Variants in NELL2 observed in about 807,000 individuals in gnomAD.
NELL2 encodes neural EGFL like 2.
A neutral mutation model predicts 109.6 loss-of-function variants in NELL2; 41 were observed. The ratio of observed to expected loss-of-function variants is 0.37; its 90% confidence interval spans 0.29 to 0.49. NELL2 has a LOEUF of 0.49. NELL2 is among the 20% of genes least tolerant of loss of function. The pLI is 0.98. For synonymous variants in NELL2, 355 were observed against 344.7 expected (o/e 1.03, Z -0.33); for missense variants, 900 against 1,008.3 (o/e 0.89, Z 1.45).
intron 9 of NELL2, among the ~76,000 whole-genome samples, chr12:44,774,254 T>C (rs892948762): frequency 2.3e-4 from 35 of 152,182 alleles, no homozygotes; most frequent in African/African-American, 8.2e-4. Context: ...CTTCCACACA[T>C]GGTGGTGTGA....
chr12:44,575,744 A>G (rs1017432284), intron 15 of NELL2, among the ~76,000 whole-genome samples: 1 of 152,230 alleles, frequency 6.6e-6, no homozygotes, highest in Non-Finnish European at 1.5e-5. Context: ...CTTCATTATT[A>G]TCACAGTTCC....
chr12:44,587,284 A>AAAAAAAAAATAT, intron 15 of NELL2, among the ~76,000 whole-genome samples: 31 of 72,206 alleles, frequency 4.3e-4, no homozygotes, highest in East Asian at 1.7e-3. Context: ...AAAAAAAAAA[A>AAAAAAAAAATAT]ATATATATAT....
At chr12:44,684,147 G>A (rs548504186) in intron 12 of NELL2, among the ~76,000 whole-genome samples, 8 of 152,292 alleles carry the variant, frequency 5.3e-5, no homozygotes, top group Non-Finnish European at 7.4e-5. Flanking sequence ...TTAGTCTTGG[G>A]AGACTGCATG....
rs1344711627 is a variant in NELL2 at position 44,591,836 on chromosome 12, A to G, written c.1663+15333T>C. 2.0e-5 allele frequency among the ~76,000 whole-genome samples: 3 copies of G among 152,350 alleles called. No homozygotes were observed. The East Asian group carries it at 5.8e-4, about 29-fold the overall frequency. On this transcript the variant is annotated intron_variant, in intron 15 of 19. Transcript: ENST00000429094. The stretch of plus-strand genomic sequence containing the variant: ...ATGCTAATTACCTGATTTCATCATT[A>G]GACATTGTATACATGTATCGAAATA...
At chr12:44,911,722 C>T (rs376426) in intron 1 of NELL2, among the ~76,000 whole-genome samples, 3,692 of 151,606 alleles carry the variant, frequency 0.024, 162 homozygotes, top group African/African-American at 0.084. Flanking sequence ...CTTCGAGTCA[C>T]CGATAAACAA....
chr12:44,572,189 T>C (rs1382927615), intron 15 of NELL2, among the ~76,000 whole-genome samples: 1 of 152,190 alleles, frequency 6.6e-6, no homozygotes, highest in Non-Finnish European at 1.5e-5. Context: ...TTGCCCAGGC[T>C]GGATTGCAGT....
At chr12:44,745,036 T>A (rs559815523) in intron 9 of NELL2, among the ~76,000 whole-genome samples, 43 of 152,268 alleles carry the variant, frequency 2.8e-4, no homozygotes, top group African/African-American at 9.9e-4. Flanking sequence ...TTGATGAACA[T>A]CAATGCGAAA....
chr12:44,590,909 C>CAAAA (rs960196289), intron 15 of NELL2, among the ~76,000 whole-genome samples: 13 of 147,848 alleles, frequency 8.8e-5, no homozygotes, highest in African/African-American at 3.0e-4. Flanking sequence ...AAAAAAAAAA[C>CAAAA]CAACCTTGAC....
chr12:44,525,382 T>A (rs1056959092), intron 16 of NELL2, among the ~76,000 whole-genome samples: 1 of 152,198 alleles, frequency 6.6e-6, no homozygotes, highest in Non-Finnish European at 1.5e-5. Context: ...GGCATGTACT[T>A]GTTATACCTG....
intron 15 of NELL2, among the ~76,000 whole-genome samples, chr12:44,542,677 T>C (rs796765694): frequency 3.0e-4 from 45 of 152,230 alleles, no homozygotes; most frequent in African/African-American, 1.0e-3. Flanking sequence ...TGGTGAAGAA[T>C]GTAAATCAAC....
At chr12:44,879,474 C>T (rs1437926738), upstream of NELL2, among the ~76,000 whole-genome samples, 1 of 150,840 alleles carries the variant, frequency 6.6e-6, no homozygotes, top group Non-Finnish European at 1.5e-5. Context: ...AGTAAAATGC[C>T]CAATTTTTAA....
intron 3 of NELL2, among the ~76,000 whole-genome samples, chr12:44,803,356 A>G (rs970359586): frequency 3.3e-5 from 5 of 152,018 alleles, no homozygotes; most frequent in Non-Finnish European, 7.4e-5. Context: ...ATAATATTGT[A>G]ATGTCAATGT....
At chr12:44,720,812 C>A (rs1456114485) in intron 9 of NELL2, among the ~76,000 whole-genome samples, 1 of 152,116 alleles carries the variant, frequency 6.6e-6, no homozygotes, top group East Asian at 1.9e-4. Flanking sequence ...GAAGTGAGAT[C>A]TTGATAGTAG....
At chr12:44,519,605 A>G (rs1035220835) in intron 19 of NELL2, among the ~76,000 whole-genome samples, 7 of 152,346 alleles carry the variant, frequency 4.6e-5, no homozygotes, top group African/African-American at 1.4e-4. Context: ...TACTTCACTT[A>G]TGTATCTTAC....
At chr12:44,844,485 T>C (rs376743884) in intron 2 of NELL2, among the ~76,000 whole-genome samples, 7 of 152,090 alleles carry the variant, frequency 4.6e-5, no homozygotes, top group Middle Eastern at 3.2e-3. Context: ...CACTACAACA[T>C]AGAAAACTAA....
At chr12:44,841,506 T>A (rs1295631565) in intron 2 of NELL2, among the ~76,000 whole-genome samples, 1 of 152,130 alleles carries the variant, frequency 6.6e-6, no homozygotes, top group Admixed American at 6.5e-5. Context: ...TGGGAAACAA[T>A]CACATAGCTA....
In NELL2 at chr12:44,509,883, G is replaced by A. The variant is rs182003907; in HGVS notation, c.2401-899C>T. 4.7e-4 allele frequency among the ~76,000 whole-genome samples: 71 copies of A among 152,232 alleles called. 1 individual carries two copies. In the East Asian group the frequency reaches 0.012, roughly 26 times the overall value. On this transcript the variant is annotated intron_variant, in intron 19 of 19. Transcript: ENST00000429094. ...GAGGTGATATTTAAACCGAGACCTGGAGACTGCATGAAAAGGTGGCCAAAC... is the reference window on the plus strand; with the variant it reads ...GAGGTGATATTTAAACCGAGACCTGAAGACTGCATGAAAAGGTGGCCAAAC...
At chr12:44,729,665 T>G (rs545256110) in intron 9 of NELL2, among the ~76,000 whole-genome samples, 3 of 150,846 alleles carry the variant, frequency 2.0e-5, no homozygotes, top group South Asian at 2.1e-4. Flanking sequence ...TTGAAACATA[T>G]ATTTCATGCA....
intron 12 of NELL2, among the ~76,000 whole-genome samples, chr12:44,677,287 T>C (rs1228752882): frequency 6.6e-6 from 1 of 152,162 alleles, no homozygotes; most frequent in African/African-American, 2.4e-5. Flanking sequence ...CATTATCATA[T>C]AATCAATGGT....
Sources: allele counts gnomAD v4.1 joint callset (sites outside exome capture counted in the v4.1 genomes callset), GRCh38; gene constraint gnomAD v4.1.1; transcripts MANE v1.5; gene names NCBI Gene and HGNC (gene_info 2026-07-23, HGNC 2026-07-21).